Variants in MAPK8 observed in about 807,000 individuals in gnomAD.
MAPK8 encodes the protein mitogen-activated protein kinase 8.
A neutral mutation model predicts 52.9 loss-of-function variants in MAPK8; 13 were observed. That is an observed-to-expected ratio of 0.25 (90% CI 0.16 to 0.39). The LOEUF is 0.39. MAPK8 is among the 10% of genes least tolerant of loss of function. The pLI, the probability that MAPK8 is intolerant of heterozygous loss-of-function variation, is 1.00. For synonymous variants in MAPK8, 191 were observed against 169.8 expected (o/e 1.12, Z -0.97); for missense variants, 300 against 519.2 (o/e 0.58, Z 4.10).
intron 1 of MAPK8, among the ~76,000 whole-genome samples, 187 bp from the exon 2 acceptor site, chr10:48,401,425 T>C (rs1472472715): frequency 6.6e-6 from 1 of 152,196 alleles, no homozygotes; most frequent in Non-Finnish European, 1.5e-5. Flanking sequence ...AAAAAAACTA[T>C]CAGTCATTCA....
chr10:48,341,432 T>C (rs1419966926), intron 1 of MAPK8, among the ~76,000 whole-genome samples: 1 of 152,234 alleles, frequency 6.6e-6, no homozygotes, highest in Non-Finnish European at 1.5e-5. Context: ...AGGAAATGCT[T>C]ATTCAAGCAT....
At chr10:48,424,762 T>C (rs2043573377) in intron 7 of MAPK8, among the ~76,000 whole-genome samples, 1 of 152,140 alleles carries the variant, frequency 6.6e-6, no homozygotes, top group Admixed American at 6.5e-5. Context: ...TTTCATATGT[T>C]AATTCTGAAC....
chr10:48,427,614 C>G (rs1399441976), intron 10 of MAPK8, among the ~76,000 whole-genome samples: 1 of 152,156 alleles, frequency 6.6e-6, no homozygotes, highest in Non-Finnish European at 1.5e-5. Flanking sequence ...GCCTCAGCCT[C>G]CTGAGTAGCT....
rs562992013 is a variant in MAPK8, at chr10:48,357,569, G to T, written c.-49-44043G>T. Among the ~76,000 whole-genome samples the T allele has an allele frequency of 3.3e-5, 5 of 152,092 alleles. No individual in the cohort carries two copies. The East Asian group carries it at 9.7e-4, about 30-fold the overall frequency. Reference sequence around the variant, plus strand: ...ATGCCACCACACCTGGCTAAATTTTGTATTTTTTAATAGAGATGGAGTTTC... The same window carrying T: ...ATGCCACCACACCTGGCTAAATTTTTTATTTTTTAATAGAGATGGAGTTTC... On this transcript the variant is annotated intron_variant, in intron 1 of 11. Transcript: ENST00000374189.
intron 1 of MAPK8, among the ~76,000 whole-genome samples, chr10:48,368,533 G>C (rs1353292025): frequency 6.6e-6 from 1 of 152,194 alleles, no homozygotes; most frequent in Non-Finnish European, 1.5e-5. Flanking sequence ...GAGGGCCAGG[G>C]CCAAATCATC....
intron 1 of MAPK8, among the ~76,000 whole-genome samples, chr10:48,317,387 A>ACTCCTGGC (rs1842605502): frequency 2.1e-5 from 2 of 93,598 alleles, no homozygotes; most frequent in South Asian, 6.5e-4. Context: ...CTGGTCTGAA[A>ACTCCTGGC]CTCCTGGCCT....
Position 48,438,956 on chromosome 10 carries a change from T to C in MAPK8, c.*3927T>C, listed in dbSNP as rs536531143. Reference sequence around the variant, plus strand: ...TTACTTTTGTAGGCCCAATATTTGGTATATTTTTGAGAAGCTGTTAATCTT... The same window carrying C: ...TTACTTTTGTAGGCCCAATATTTGGCATATTTTTGAGAAGCTGTTAATCTT... On this transcript the variant is annotated 3_prime_UTR_variant, in exon 12 of 12. Transcript: ENST00000374189. 1 of 152,326 alleles carries C rather than the reference T, an allele frequency of 6.6e-6. No individual in the cohort carries two copies. Among genetic ancestry groups the C allele is most frequent in the Admixed American group, 6.5e-5 (1 of 15,300 alleles). 9.4% of individuals were successfully genotyped at this position (152,326 alleles called of 1,614,324 possible). A position where few individuals can be genotyped will look rare whatever the true frequency, so the allele number is the denominator to read the frequency against.
At chr10:48,359,753 A>G (rs1394426534) in intron 1 of MAPK8, among the ~76,000 whole-genome samples, 1 of 152,222 alleles carries the variant, frequency 6.6e-6, no homozygotes, top group Non-Finnish European at 1.5e-5. Flanking sequence ...ATCGTATAAA[A>G]ATCAGTTCCA....
chr10:48,347,099 C>T (rs943783668), intron 1 of MAPK8, among the ~76,000 whole-genome samples: 7 of 152,146 alleles, frequency 4.6e-5, no homozygotes, highest in African/African-American at 9.7e-5. Flanking sequence ...TACACTCTCT[C>T]GTTGCCGCAC....
At chr10:48,404,682 A>T (rs1196580540) in intron 2 of MAPK8, among the ~76,000 whole-genome samples, 170 bp from the exon 3 acceptor site, 1 of 152,190 alleles carries the variant, frequency 6.6e-6, no homozygotes, top group East Asian at 1.9e-4. Flanking sequence ...GTTGCAAAAA[A>T]ATATATGTTG....
chr10:48,340,537 A>G (rs1371768927), intron 1 of MAPK8, among the ~76,000 whole-genome samples: 1 of 152,178 alleles, frequency 6.6e-6, no homozygotes. Context: ...CTGAATCTAT[A>G]CTTAAAATAA....
At chr10:48,349,947 C>T (rs1375603652) in intron 1 of MAPK8, among the ~76,000 whole-genome samples, 1 of 152,154 alleles carries the variant, frequency 6.6e-6, no homozygotes, top group Non-Finnish European at 1.5e-5. Context: ...CACCACTGAT[C>T]CCACAGAAAT....
At chr10:48,308,689 T>C (rs770324049) in intron 1 of MAPK8, among the ~76,000 whole-genome samples, 18 of 152,178 alleles carry the variant, frequency 1.2e-4, no homozygotes, top group Non-Finnish European at 1.2e-4. Context: ...TGAATATTAT[T>C]TGAAAGTTTT....
intron 1 of MAPK8, among the ~76,000 whole-genome samples, chr10:48,317,573 G>A (rs1285056323): frequency 6.6e-6 from 1 of 152,208 alleles, no homozygotes; most frequent in South Asian, 2.1e-4. Context: ...TGGGTTGGTG[G>A]ATAAAGGAAA....
intron 1 of MAPK8, among the ~76,000 whole-genome samples, chr10:48,331,165 C>T (rs964894372): frequency 1.3e-5 from 2 of 152,152 alleles, no homozygotes; most frequent in African/African-American, 4.8e-5. Flanking sequence ...GGATGATGCT[C>T]TACTGTAACC....
intron 1 of MAPK8, among the ~76,000 whole-genome samples, chr10:48,367,888 G>A (rs1002604134): frequency 6.6e-6 from 1 of 152,110 alleles, no homozygotes; most frequent in African/African-American, 2.4e-5. Flanking sequence ...AGCTTAATAT[G>A]GTCCAGGAAT....
intron 1 of MAPK8, among the ~76,000 whole-genome samples, chr10:48,401,159 T>A (rs557745578): frequency 6.6e-6 from 1 of 152,326 alleles, no homozygotes; most frequent in East Asian, 1.9e-4. Flanking sequence ...CATTTGTTGT[T>A]CCCTCCACTT....
At chr10:48,397,385 G>A (rs1187974425) in intron 1 of MAPK8, among the ~76,000 whole-genome samples, 1 of 151,686 alleles carries the variant, frequency 6.6e-6, no homozygotes, top group African/African-American at 2.4e-5. Flanking sequence ...CGAACTCCTG[G>A]GCTCAAGGAG....
Position 48,306,785 on chromosome 10 carries a change from T to C in MAPK8, c.-86T>C, listed in dbSNP as rs1841361726. The C allele has an allele frequency of 6.6e-6, 1 of 151,474 alleles. No homozygotes were observed. 9.4% of individuals were successfully genotyped at this position (151,474 alleles called of 1,614,324 possible). A position where few individuals can be genotyped will look rare whatever the true frequency, so the allele number is the denominator to read the frequency against. ...CACCCCGGACGGCCCCTGTCCCCGC[T>C]GGCGGGCTTCCCTGTCGCCGTTCGC... On this transcript the variant is annotated 5_prime_UTR_variant, in exon 1 of 12. Transcript: ENST00000374189.
Sources: allele counts gnomAD v4.1 joint callset (sites outside exome capture counted in the v4.1 genomes callset), GRCh38; gene constraint gnomAD v4.1.1; transcripts MANE v1.5; gene names NCBI Gene and HGNC (gene_info 2026-07-23, HGNC 2026-07-21).